Variants in TLK1 observed in about 807,000 individuals in gnomAD.
TLK1 encodes serine/threonine-protein kinase tousled-like 1.
Under a neutral mutation model 105.3 loss-of-function variants are expected in TLK1, and 24 were observed. That is an observed-to-expected ratio of 0.23 (90% CI 0.17 to 0.32). The LOEUF is 0.32. Among genes scored for constraint, TLK1 ranks in the 10% least tolerant of loss-of-function variants. The pLI, the probability that TLK1 is intolerant of heterozygous loss-of-function variation, is 1.00. For synonymous variants in TLK1, 321 were observed against 310.4 expected, an observed-to-expected ratio of 1.03 and a Z score of -0.36; for missense variants, 558 against 910.5, an observed-to-expected ratio of 0.61 and a Z score of 4.98.
intron 1 of TLK1, among the ~76,000 whole-genome samples, chr2:171,194,839 AAG>A: frequency 6.6e-6 from 1 of 151,728 alleles, no homozygotes; most frequent in African/African-American, 2.4e-5. Context: ...AAAAAAAAAA[AAG>A]TAAAAGCCAT....
chr2:171,171,341 G>A (rs934738881), intron 1 of TLK1, among the ~76,000 whole-genome samples: 10 of 151,954 alleles, frequency 6.6e-5, no homozygotes, highest in Admixed American at 2.6e-4. Context: ...ATGACACAGT[G>A]AGACCCTGTC....
chr2:171,104,818 T>G (rs1041586843), intron 2 of TLK1, among the ~76,000 whole-genome samples: 1 of 152,220 alleles, frequency 6.6e-6, no homozygotes, highest in Non-Finnish European at 1.5e-5. Flanking sequence ...GAAATGCTAC[T>G]ACTTTTTGTA....
chr2:171,018,286 C>T (rs1040923908), intron 12 of TLK1, among the ~76,000 whole-genome samples: 1 of 152,226 alleles, frequency 6.6e-6, no homozygotes, highest in African/African-American at 2.4e-5. Flanking sequence ...TAAACTCTGC[C>T]TGATCTTGTC....
At chr2:171,006,439 A>T (rs1313076150) in intron 17 of TLK1, 35 bp downstream of exon 17, 2 of 1,538,620 alleles carry the variant, frequency 1.3e-6, no homozygotes, top group East Asian at 2.3e-5. Context: ...AACTATACTC[A>T]AGTTTAAAAA....
intron 1 of TLK1, among the ~76,000 whole-genome samples, chr2:171,205,422 A>G (rs1485204413): frequency 1.3e-5 from 2 of 152,026 alleles, no homozygotes; most frequent in Non-Finnish European, 2.9e-5. Context: ...ACCCAGGCTC[A>G]AGCGATCCTC....
chr2:171,077,773 C>A (rs951722338), intron 3 of TLK1, among the ~76,000 whole-genome samples: 14 of 152,094 alleles, frequency 9.2e-5, no homozygotes, highest in African/African-American at 3.1e-4. Context: ...AACATTATAA[C>A]AATAGAATAT....
Position 171,117,721 on chromosome 2 carries a change from G to A in TLK1, c.258+18C>T. 6.3e-7 allele frequency: 1 copy of A among 1,576,086 alleles called. No individual in the cohort carries two copies. The highest frequency in any genetic ancestry group is 8.7e-7 in the Non-Finnish European group (1 of 1,150,100). On this transcript the variant is annotated intron_variant, in intron 2 of 20. Coordinates refer to ENST00000431350, the MANE Select transcript of TLK1 (RefSeq NM_012290.5). ...ATAGAAAGAAAGACTGTCAAATAAAGATGAGAATTTTGCTCACTTTAGCTC... is the reference window on the plus strand; with the variant it reads ...ATAGAAAGAAAGACTGTCAAATAAAAATGAGAATTTTGCTCACTTTAGCTC...
chr2:171,129,202 A>T lies in TLK1; in HGVS notation c.140-11345T>A, dbSNP rs186047563. On this transcript the variant is annotated intron_variant, in intron 1 of 20. Transcript: ENST00000431350. ...TTTTTTGGTTTCATCCCTTTCCCTC[A>T]TTACTAAGTAATAGGTGCTTCTTGA... Among the ~76,000 whole-genome samples the T allele has an allele frequency of 2.0e-5, 3 of 152,284 alleles. No homozygotes were observed. In the East Asian group the frequency reaches 5.8e-4, roughly 29 times the overall value.
rs1683841555 is a variant in TLK1 at position 170,992,817 on chromosome 2, G to A, written c.*963C>T. Reference sequence around the variant, plus strand: ...TTAAAAAAAATACAATATCCAATTAGAAAAGCCATATTTTAAACATTTGTA... The same window carrying A: ...TTAAAAAAAATACAATATCCAATTAAAAAAGCCATATTTTAAACATTTGTA... On this transcript the variant is annotated 3_prime_UTR_variant, in exon 21 of 21. Coordinates refer to ENST00000431350, the MANE Select transcript of TLK1 (RefSeq NM_012290.5). The A allele has an allele frequency of 6.6e-6, 1 of 152,534 alleles. No homozygotes were observed. The highest frequency in any genetic ancestry group is 1.5e-5 in the Non-Finnish European group (1 of 67,998). 9.4% of individuals were successfully genotyped at this position (152,534 alleles called of 1,614,324 possible).
At chr2:171,109,489 T>C (rs1264731832) in intron 2 of TLK1, among the ~76,000 whole-genome samples, 1 of 152,128 alleles carries the variant, frequency 6.6e-6, no homozygotes, top group Admixed American at 6.6e-5. Context: ...ATAAACGAGC[T>C]GATATTACTT....
At chr2:171,129,220 C>T (rs1288203959) in intron 1 of TLK1, among the ~76,000 whole-genome samples, 2 of 152,166 alleles carry the variant, frequency 1.3e-5, no homozygotes, top group Non-Finnish European at 2.9e-5. Flanking sequence ...GTAATAGGTG[C>T]TTCTTGAAAT....
chr2:171,068,717 G>C (rs1688125386), intron 3 of TLK1, among the ~76,000 whole-genome samples: 1 of 152,220 alleles, frequency 6.6e-6, no homozygotes, highest in Non-Finnish European at 1.5e-5. Context: ...AAAATAGTAC[G>C]TTGTATAGTT....
intron 12 of TLK1, 57 bp from the exon 13 acceptor site, chr2:171,015,005 A>G: frequency 2.3e-6 from 3 of 1,317,624 alleles, no homozygotes; most frequent in South Asian, 2.4e-5. Flanking sequence ...TATAAAAAAG[A>G]TATTTTTACC....
intron 11 of TLK1, among the ~76,000 whole-genome samples, chr2:171,036,972 C>T (rs1686373605): frequency 6.6e-6 from 1 of 152,084 alleles, no homozygotes; most frequent in Non-Finnish European, 1.5e-5. Flanking sequence ...ATCAAGGTTG[C>T]TCATCAGCTG....
intron 1 of TLK1, among the ~76,000 whole-genome samples, chr2:171,200,052 G>T (rs545665215): frequency 6.6e-6 from 1 of 152,282 alleles, no homozygotes; most frequent in Admixed American, 6.5e-5. Context: ...AGACTGGATG[G>T]TGAGGCCAAG....
chr2:170,991,911 A>G lies in TLK1; in HGVS notation c.*1869T>C, dbSNP rs62168972. On this transcript the variant is annotated 3_prime_UTR_variant, in exon 21 of 21. Transcript: ENST00000431350. Reference sequence around the variant, plus strand: ...ATTACCATGTAGTATTTTTTTTTTAATAGGATTTCTCTGTGCTCTACAGAG... The same window carrying G: ...ATTACCATGTAGTATTTTTTTTTTAGTAGGATTTCTCTGTGCTCTACAGAG... 1.3e-5 allele frequency: 2 copies of G among 151,688 alleles called. No homozygotes were observed. Among genetic ancestry groups the G allele is most frequent in the African/African-American group, 2.4e-5 (1 of 41,368 alleles). The allele number at this position is 151,688 out of a possible 1,614,324, so 9.4% of individuals were successfully genotyped here.
intron 7 of TLK1, chr2:171,054,567 G>GAGCTTGA (rs1356602879): frequency 6.6e-6 from 1 of 152,310 alleles, no homozygotes; most frequent in Non-Finnish European, 1.5e-5. Flanking sequence ...CTGTCAAGCT[G>GAGCTTGA]AGCTTGAAGA....
intron 1 of TLK1, among the ~76,000 whole-genome samples, chr2:171,133,278 C>A (rs894979541): frequency 6.6e-6 from 1 of 152,060 alleles, no homozygotes; most frequent in Non-Finnish European, 1.5e-5. Context: ...AGAAAAGTAT[C>A]TAAGAGAGAA....
chr2:171,089,814 C>G (rs748238430), intron 2 of TLK1, among the ~76,000 whole-genome samples: 1 of 152,146 alleles, frequency 6.6e-6, no homozygotes, highest in African/African-American at 2.4e-5. Context: ...GCTGGGATTA[C>G]GGGCACAAGC....
Sources: allele counts gnomAD v4.1 joint callset (sites outside exome capture counted in the v4.1 genomes callset), GRCh38; gene constraint gnomAD v4.1.1; transcripts MANE v1.5; gene names NCBI Gene and HGNC (gene_info 2026-07-23, HGNC 2026-07-21).